Variants in UBAP2 observed in about 807,000 individuals in gnomAD.
The protein encoded by UBAP2 is ubiquitin-associated protein 2.
In UBAP2, 75 loss-of-function variants were observed where a neutral mutation model predicts 139.6. The ratio of observed to expected loss-of-function variants is 0.54; its 90% CI spans 0.45 to 0.65. UBAP2 has a LOEUF of 0.65. Ranked by LOEUF, UBAP2 falls within the 30% of genes least tolerant of loss-of-function variation. UBAP2 has a pLI of 0.00. For synonymous variants in UBAP2, 526 were observed against 526.2 expected (o/e 1.00, Z 0.01); for missense variants, 1,368 against 1,369.6 (o/e 1.00, Z 0.02).
intron 16 of UBAP2, among the ~76,000 whole-genome samples, chr9:33,938,288 C>T (rs2130909839): frequency 6.6e-6 from 1 of 152,158 alleles, no homozygotes. Flanking sequence ...ACCACCACGC[C>T]CAGCCACTTT....
rs756204910 is a variant in UBAP2 at position 33,927,989 on chromosome 9, C to A, written c.2179G>T (p.Ala727Ser). 6.2e-7 allele frequency: 1 copy of A among 1,609,876 alleles called. No homozygotes were observed. Among genetic ancestry groups the A allele is most frequent in the South Asian group, 1.1e-5 (1 of 90,358 alleles). Reference sequence around the variant, plus strand: ...TGGGAAGAGGCGCTCTCCACACTGGCATGCTGGCAAAAGAAAAGCCAGGAC... The same window carrying A: ...TGGGAAGAGGCGCTCTCCACACTGGAATGCTGGCAAAAGAAAAGCCAGGAC... ...ALSSSTSHTH[A>S]SVESASSHQS... Residue 727 changes from alanine to serine, a missense_variant, in exon 20 of 29, where the codon GCC becomes TCC. Coordinates refer to ENST00000379238, the MANE Select transcript of UBAP2 (RefSeq NM_001370062.2).
intron 4 of UBAP2, chr9:33,995,612 T>C (rs1001547654): frequency 1.1e-4 from 15 of 141,530 alleles, no homozygotes; most frequent in Non-Finnish European, 2.1e-4. Flanking sequence ...TAAATAAATA[T>C]ATATTTATAA....
chr9:33,986,672 C>T, intron 6 of UBAP2, 88 bp downstream of exon 6: 1 of 1,057,970 alleles, frequency 9.5e-7, no homozygotes, highest in Non-Finnish European at 1.5e-6. Context: ...TCAGAACACA[C>T]TGCCATCCCT....
chr9:33,932,601 G>T lies in UBAP2; in HGVS notation c.2136C>A (p.Leu712=). The T allele has an allele frequency of 6.2e-7, 1 of 1,614,086 alleles. No individual in the cohort carries two copies. The highest frequency in any genetic ancestry group is 8.5e-7 in the Non-Finnish European group (1 of 1,180,034). ...TCGAGGAGAGGGCTGCATGTGCAGA[G>T]AGGCTGCTCTGGTGGCTGGAGAGCG... ...SSSLSSHQSS[L]SAHAALSSST... is the part of the protein sequence containing the mutation. The change falls in exon 19 of 29, where the codon CTC becomes CTA. Residue 712 remains leucine, a synonymous_variant. Transcript: ENST00000379238.
At chr9:34,035,514 A>AAAATATAT in intron 1 of UBAP2, among the ~76,000 whole-genome samples, 5 of 22,492 alleles carry the variant, frequency 2.2e-4, no homozygotes, top group Non-Finnish European at 4.9e-4. Context: ...AAAAAAAAAA[A>AAAATATAT]ATATATATAT....
At chr9:34,011,869 C>T (rs1285968513) in intron 2 of UBAP2, among the ~76,000 whole-genome samples, 1 of 152,130 alleles carries the variant, frequency 6.6e-6, no homozygotes, top group Non-Finnish European at 1.5e-5. Flanking sequence ...AACTAAGCTG[C>T]TTTCACAGTG....
At position 33,923,403 on chromosome 9, in the gene UBAP2, AACCAC is replaced by A; in HGVS notation, c.2867_2871del (p.Ser956IlefsTer11). The A allele has an allele frequency of 6.2e-7, 1 of 1,614,086 alleles. No homozygotes were observed. Among genetic ancestry groups the A allele is most frequent in the Non-Finnish European group, 8.5e-7 (1 of 1,179,986 alleles). On this transcript the variant is annotated frameshift_variant, in exon 25 of 29. Transcript: ENST00000379238. LOFTEE classifies it high-confidence loss of function. Reference sequence around the variant, plus strand: ...CCTGTACTGTAGCCGTGCTGGCCATAACCACTGGCCTGCTGGAAGGGAGGTGTGGG... The same window carrying A: ...CCTGTACTGTAGCCGTGCTGGCCATATGGCCTGCTGGAAGGGAGGTGTGGG...
rs1197457094 is a variant in UBAP2 at position 34,030,473 on chromosome 9, A to G, written c.-41-13284T>C. Among the ~76,000 whole-genome samples, 4 of 151,846 alleles carry G rather than the reference A, an allele frequency of 2.6e-5. No homozygotes were observed. The South Asian group carries it at 8.4e-4, about 32-fold the overall frequency. Reference sequence around the variant, plus strand: ...CAAAAACAAACAAACAAACAAAAAAACTGGCCCGGTATGACAGAGCACACC... The same window carrying G: ...CAAAAACAAACAAACAAACAAAAAAGCTGGCCCGGTATGACAGAGCACACC... On this transcript the variant is annotated intron_variant, in intron 1 of 28. Transcript: ENST00000379238.
chr9:33,955,073 A>G (rs1206695349), intron 11 of UBAP2, among the ~76,000 whole-genome samples: 3 of 152,198 alleles, frequency 2.0e-5, no homozygotes, highest in African/African-American at 7.2e-5. Context: ...CTAGCAGAGT[A>G]AAACTAGTAG....
At chr9:34,007,038 A>G (rs1021167585) in intron 2 of UBAP2, among the ~76,000 whole-genome samples, 1 of 152,186 alleles carries the variant, frequency 6.6e-6, no homozygotes, top group African/African-American at 2.4e-5. Context: ...CTGCAACTTC[A>G]CTGAATTCAT....
At chr9:33,948,764 CTAAA>C (rs1825853214) in intron 12 of UBAP2, 177 bp from the exon 13 acceptor site, 2 of 527,828 alleles carry the variant, frequency 3.8e-6, no homozygotes, top group Non-Finnish European at 3.3e-6. Flanking sequence ...TGAAAACTGA[CTAAA>C]TAAATGCAGC....
intron 22 of UBAP2, 53 bp downstream of exon 22, chr9:33,926,564 G>C (rs554530741): frequency 9.0e-5 from 143 of 1,596,594 alleles, no homozygotes; most frequent in Non-Finnish European, 1.2e-4. Flanking sequence ...TAAGAGGGGG[G>C]ACATGTAAAA....
rs936264578 is a variant in UBAP2 at position 34,034,014 on chromosome 9, G to A, written c.-42+14811C>T. Among the ~76,000 whole-genome samples the A allele has an allele frequency of 2.0e-5, 3 of 152,064 alleles. No homozygotes were observed. In the South Asian group the frequency reaches 6.2e-4, roughly 31 times the overall value. ...GCCTCCCAAAGTCCTAGGATTAAAG[G>A]CATGACCCACCACGCCCGGCTTCAA... On this transcript the variant is annotated intron_variant, in intron 1 of 28. Coordinates refer to ENST00000379238, the MANE Select transcript of UBAP2 (RefSeq NM_001370062.2).
chr9:33,953,253 T>C, intron 12 of UBAP2, 32 bp downstream of exon 12: 1 of 1,589,510 alleles, frequency 6.3e-7, no homozygotes, highest in Non-Finnish European at 8.6e-7. Context: ...GTATATTTCT[T>C]AAAATCCCAC....
chr9:33,975,515 G>A (rs1282228541), intron 6 of UBAP2, among the ~76,000 whole-genome samples: 3 of 151,366 alleles, frequency 2.0e-5, no homozygotes, highest in Non-Finnish European at 4.4e-5. Flanking sequence ...AACGTAAAAT[G>A]GGGCCAGGTG....
Position 33,975,427 on chromosome 9 carries a change from A to C in UBAP2, c.521-2190T>G, listed in dbSNP as rs548052759. ...AGCCTGGGTGACAGAGTGAGGCTCT[A>C]TCTTTAAAAAAAAAAAACAAAAAAA... On this transcript the variant is annotated intron_variant, in intron 6 of 28. Coordinates refer to ENST00000379238, the MANE Select transcript of UBAP2 (RefSeq NM_001370062.2). Among the ~76,000 whole-genome samples the C allele has an allele frequency of 1.2e-4, 17 of 142,152 alleles. No individual in the cohort carries two copies. The East Asian group carries it at 2.4e-3, about 20-fold the overall frequency. The allele number at this position is 142,152 out of a possible 152,430, so 93.3% of individuals were successfully genotyped here.
At chr9:33,924,412 C>G (rs1442723964) in intron 22 of UBAP2, 128 bp from the exon 23 acceptor site, 20 of 874,082 alleles carry the variant, frequency 2.3e-5, no homozygotes, top group Non-Finnish European at 3.7e-5. Flanking sequence ...CCAGCAGTCC[C>G]AGGGAACGCC....
chr9:34,021,818 G>A (rs1824969409), intron 1 of UBAP2, among the ~76,000 whole-genome samples: 1 of 152,082 alleles, frequency 6.6e-6, no homozygotes, highest in South Asian at 2.1e-4. Flanking sequence ...ATTTTTAGTA[G>A]AGATGGGGTC....
rs1823036182 is a variant in UBAP2, at chr9:33,922,854, C to T, written c.3097G>A (p.Ala1033Thr). ...TQTFDKQGFH[A>T]GTPPPFSLPS... ...AGGCTGAAAGGTGGAGGCGTCCCTG[C>T]ATGAAATCCCTGCTTGTCAAAAGTC... The change falls in exon 28 of 29, where the codon GCA becomes ACA. Residue 1033 changes from alanine (A) to threonine (T), a missense_variant. Transcript: ENST00000379238. 2.5e-6 allele frequency: 4 copies of T among 1,588,176 alleles called. No homozygotes were observed. Among genetic ancestry groups the T allele is most frequent in the Non-Finnish European group, 3.4e-6 (4 of 1,164,962 alleles).
Sources: allele counts gnomAD v4.1 joint callset (sites outside exome capture counted in the v4.1 genomes callset), GRCh38; gene constraint gnomAD v4.1.1; transcripts MANE v1.5; gene names NCBI Gene and HGNC (gene_info 2026-07-23, HGNC 2026-07-21).